NYAP2: variants seen among roughly 807,000 people sequenced by gnomAD.
NYAP2 encodes the protein neuronal tyrosine-phosphorylated phosphoinositide-3-kinase adaptor 2.
Under a neutral mutation model 50.4 loss-of-function variants are expected in NYAP2, and 23 were observed. The ratio of observed to expected loss-of-function variants is 0.46; its 90% confidence interval spans 0.33 to 0.65. The LOEUF is 0.65. Among genes scored for constraint, NYAP2 ranks in the 30% least tolerant of loss-of-function variants. NYAP2 has a pLI of 0.02. For synonymous variants in NYAP2, 394 were observed against 365.2 expected, an observed-to-expected ratio of 1.08 and a Z score of -0.90; for missense variants, 885 against 861.0, an observed-to-expected ratio of 1.03 and a Z score of -0.35.
At chr2:225,531,177 G>A (rs532988557) in intron 4 of NYAP2, among the ~76,000 whole-genome samples, 2 of 152,232 alleles carry the variant, frequency 1.3e-5, no homozygotes, top group South Asian at 4.1e-4. Context: ...GCTCCTGCCT[G>A]CAGAGCCACA....
chr2:225,695,229 C>T, the NYAP2 span, among the ~76,000 whole-genome samples: 11 of 151,682 alleles, frequency 7.3e-5, no homozygotes, highest in Non-Finnish European at 1.2e-4. Flanking sequence ...ATAGGTGACC[C>T]TGTTGTCAAG....
At chr2:225,627,001 C>T (rs1361526299) in exon 6 of NYAP2, 3 of 1,589,778 alleles carry the variant, frequency 1.9e-6, no homozygotes, top group Non-Finnish European at 2.6e-6. Flanking sequence ...CACCATGGGG[C>T]GTCTTCCTCC....
chr2:225,531,992 G>T (rs2106197795), intron 4 of NYAP2, among the ~76,000 whole-genome samples: 1 of 152,324 alleles, frequency 6.6e-6, no homozygotes, highest in African/African-American at 2.4e-5. Flanking sequence ...ATAAATCAAA[G>T]AATGTTCAGC....
At chr2:225,499,606 G>A (rs993701106) in intron 3 of NYAP2, among the ~76,000 whole-genome samples, 3 of 152,162 alleles carry the variant, frequency 2.0e-5, no homozygotes, top group Admixed American at 1.3e-4. Flanking sequence ...TTGAGCCACC[G>A]CTTTAAGAAA....
At chr2:225,557,248 A>G (rs1691793161) in intron 4 of NYAP2, among the ~76,000 whole-genome samples, 1 of 152,126 alleles carries the variant, frequency 6.6e-6, no homozygotes, top group Non-Finnish European at 1.5e-5. Context: ...CTGGACATCA[A>G]ATATCCTTTT....
chr2:225,668,022 T>G, the NYAP2 span, among the ~76,000 whole-genome samples: 2 of 151,882 alleles, frequency 1.3e-5, no homozygotes, highest in African/African-American at 4.8e-5. Flanking sequence ...ATAAAGGGAA[T>G]CCTCAAATCT....
chr2:225,590,027 A>C (rs182849216), intron 5 of NYAP2, among the ~76,000 whole-genome samples: 115 of 152,358 alleles, frequency 7.5e-4, no homozygotes, highest in Non-Finnish European at 1.5e-3. Context: ...AAAGGTATTT[A>C]GGAGTTGAGC....
chr2:225,404,742 T>A (rs1694912449), intron 2 of NYAP2, among the ~76,000 whole-genome samples: 1 of 152,018 alleles, frequency 6.6e-6, no homozygotes, highest in Admixed American at 6.6e-5. Flanking sequence ...TACAGCTGTG[T>A]GAAAGTCAAC....
chr2:225,676,644 C>A, the NYAP2 span, among the ~76,000 whole-genome samples: 3 of 152,172 alleles, frequency 2.0e-5, no homozygotes, highest in East Asian at 5.8e-4. Context: ...TTGTGAGACC[C>A]ATTCACTATC....
chr2:225,653,163 A>T (rs1257412181), exon 7 of NYAP2: 1 of 152,236 alleles, frequency 6.6e-6, no homozygotes, highest in Non-Finnish European at 1.5e-5. Context: ...GCTTAAAAAC[A>T]TTGGGTACTG....
Position 225,446,246 on chromosome 2 carries a change from CTATATATATATATATATATA to C in NYAP2, c.221+37161_221+37180del, listed in dbSNP as rs58633886. Among the ~76,000 whole-genome samples the C allele has an allele frequency of 9.7e-4, 80 of 82,272 alleles. 1 individual carries two copies. Among genetic ancestry groups the C allele is most frequent in the African/African-American group, 4.3e-3 (74 of 17,038 alleles). 54.0% of individuals were successfully genotyped at this position (82,272 alleles called of 152,430 possible). On this transcript the variant is annotated intron_variant, in intron 3 of 6. Transcript: ENST00000636099. ...TCTCTCTCTCTCTCTCTCTCTCTCT[CTATATATATATATATATATA>C]TATATATATATATATGTGGAATTAG...
At chr2:225,472,592 G>C (rs200248625) in intron 3 of NYAP2, among the ~76,000 whole-genome samples, 1 of 152,256 alleles carries the variant, frequency 6.6e-6, no homozygotes, top group East Asian at 1.9e-4. Flanking sequence ...TCAAAAAAGG[G>C]ACCAATTTTC....
At chr2:225,514,313 T>C (rs1690889129) in intron 4 of NYAP2, among the ~76,000 whole-genome samples, 1 of 152,170 alleles carries the variant, frequency 6.6e-6, no homozygotes. Context: ...TTTAGTAGAG[T>C]CTCAGCTTCC....
the NYAP2 span, among the ~76,000 whole-genome samples, chr2:225,678,832 C>T: frequency 6.6e-6 from 1 of 152,102 alleles, no homozygotes; most frequent in African/African-American, 2.4e-5. Flanking sequence ...AACCCTGGCT[C>T]AATTATCCCC....
chr2:225,560,802 TTTTTGTTTAATCCATTCTAATTTTTATTA>T (rs1330903813), intron 4 of NYAP2, among the ~76,000 whole-genome samples: 1 of 152,114 alleles, frequency 6.6e-6, no homozygotes, highest in Non-Finnish European at 1.5e-5. Context: ...TCCAAGTTGG[TTTTTGTTTAATCCATTCTAATTTTTATTA>T]TTTTAAAATT....
intron 4 of NYAP2, among the ~76,000 whole-genome samples, chr2:225,534,858 T>C (rs1287909944): frequency 6.6e-6 from 1 of 152,220 alleles, no homozygotes; most frequent in African/African-American, 2.4e-5. Flanking sequence ...CAGAGTAGCC[T>C]CTGGCCCAGG....
At chr2:225,415,403 C>A (rs968753835) in intron 3 of NYAP2, among the ~76,000 whole-genome samples, 4 of 152,050 alleles carry the variant, frequency 2.6e-5, no homozygotes, top group African/African-American at 9.7e-5. Flanking sequence ...GCTATGATAT[C>A]CAAGTTTTGA....
In NYAP2 at chr2:225,559,467, A is replaced by C. The variant is rs529145884; in HGVS notation, c.524-22474A>C. The stretch of plus-strand genomic sequence containing the variant: ...GCTTCTGAGATGCCTGAAGTGGCTT[A>C]CTGGATATTGGAGTTAACTCTCTCC... On this transcript the variant is annotated intron_variant, in intron 4 of 6. Transcript: ENST00000636099. Among the ~76,000 whole-genome samples the C allele has an allele frequency of 4.6e-5, 7 of 152,252 alleles. No homozygotes were observed. The South Asian group carries it at 1.5e-3, about 32-fold the overall frequency.
chr2:225,476,151 C>T (rs988655914), intron 3 of NYAP2, among the ~76,000 whole-genome samples: 3 of 152,156 alleles, frequency 2.0e-5, no homozygotes, highest in Non-Finnish European at 2.9e-5. Context: ...TGGTGGCTCA[C>T]GCCTGTAATC....
Sources: allele counts gnomAD v4.1 joint callset (sites outside exome capture counted in the v4.1 genomes callset), GRCh38; gene constraint gnomAD v4.1.1; transcripts MANE v1.5; gene names NCBI Gene and HGNC (gene_info 2026-07-23, HGNC 2026-07-21).